CPEB1: variants seen among roughly 807,000 people sequenced by gnomAD.
CPEB1 encodes cytoplasmic polyadenylation element binding protein 1.
A neutral mutation model predicts 65.8 loss-of-function variants in CPEB1; 7 were observed. The observed-to-expected ratio is 0.11, with a 90% CI of 0.06 to 0.20. The LOEUF is 0.20. CPEB1 is among the 10% of genes least tolerant of loss of function. The pLI is 1.00. For synonymous variants in CPEB1, 262 were observed against 260.0 expected (o/e 1.01, Z -0.08); for missense variants, 551 against 712.2 (o/e 0.77, Z 2.58).
Position 82,628,525 on chromosome 15 carries a change from A to T in CPEB1, c.-66T>A. On this transcript the variant is annotated 5_prime_UTR_variant, in exon 2 of 13. It adds an upstream start codon to the 5' untranslated region. Transcript: ENST00000684509. ...AAGGCTGCTTTTGACTTCTTTTACA[A>T]TACAGACCCTTCTATTACACAGGCA... 1.4e-6 allele frequency: 1 copy of T among 692,656 alleles called. No individual in the cohort carries two copies. Among genetic ancestry groups the T allele is most frequent in the Non-Finnish European group, 2.6e-6 (1 of 381,212 alleles). 42.9% of individuals were successfully genotyped at this position (692,656 alleles called of 1,614,324 possible).
chr15:82,640,392 T>C (rs553428361), intron 1 of CPEB1, among the ~76,000 whole-genome samples: 10 of 152,302 alleles, frequency 6.6e-5, no homozygotes, highest in African/African-American at 2.4e-4. Flanking sequence ...GGAACACAAG[T>C]GGACTACCAG....
At position 82,552,600 on chromosome 15, in the gene CPEB1, G is replaced by A. The variant is rs2036456533; in HGVS notation, c.1161C>T (p.Val387=). Residue 387 remains valine (V), a synonymous_variant, in exon 9 of 13, where the codon GTC becomes GTT. Transcript: ENST00000684509. The part of the protein sequence containing the change: ...RCPPKGYVYL[V]FELEKSVRSL... ...ATCGGACAGACTTCTCTAGTTCGAAGACCAGATACACATACCCTATTCCCA... is the reference window on the plus strand; with the variant it reads ...ATCGGACAGACTTCTCTAGTTCGAAAACCAGATACACATACCCTATTCCCA... The A allele has an allele frequency of 6.2e-7, 1 of 1,614,004 alleles. No homozygotes were observed. The highest frequency in any genetic ancestry group is 1.7e-5 in the Admixed American group (1 of 60,002).
intron 1 of CPEB1, among the ~76,000 whole-genome samples, chr15:82,634,797 T>C (rs1270994311): frequency 2.0e-5 from 3 of 152,148 alleles, no homozygotes; most frequent in Non-Finnish European, 4.4e-5. Flanking sequence ...CAGAAAGTAA[T>C]ATACTTAGAT....
rs192926321 is a variant in CPEB1, at chr15:82,582,785, C to T, written c.272-11253G>A. Reference sequence around the variant, plus strand: ...GAGACACAGTCTCACTCTGTTGCCCCGGCTGGAGTGCAGTGGCGTGATCTG... The same window carrying T: ...GAGACACAGTCTCACTCTGTTGCCCTGGCTGGAGTGCAGTGGCGTGATCTG... On this transcript the variant is annotated intron_variant, in intron 3 of 12. Coordinates refer to ENST00000684509, the MANE Select transcript of CPEB1 (RefSeq NM_001365242.1). Among the ~76,000 whole-genome samples the T allele has an allele frequency of 4.5e-4, 66 of 146,746 alleles. No homozygotes were observed. The East Asian group carries it at 0.011, about 24-fold the overall frequency.
Position 82,629,641 on chromosome 15 carries a change from T to TGAGTTTTTTAA in CPEB1, c.-97-1096_-97-1086dup, listed in dbSNP as rs758985141. 3.6e-3 allele frequency: 3,514 copies of TGAGTTTTTTAA among 985,372 alleles called. 12 individuals are homozygous for TGAGTTTTTTAA. The highest frequency in any genetic ancestry group is 3.9e-3 in the Non-Finnish European group (3,250 of 829,926). 61.0% of individuals were successfully genotyped at this position (985,372 alleles called of 1,614,324 possible). A position where few individuals can be genotyped will look rare whatever the true frequency, so the allele number is the denominator to read the frequency against. On this transcript the variant is annotated intron_variant, in intron 1 of 12. Coordinates refer to ENST00000684509, the MANE Select transcript of CPEB1 (RefSeq NM_001365242.1). ...AGCAATGAAATATTGGTTGACAGAT[T>TGAGTTTTTTAA]GAGTTTTTTAAGGGGAGCCTGCCTC...
At chr15:82,567,707 T>C (rs2039381900) in intron 4 of CPEB1, among the ~76,000 whole-genome samples, 1 of 150,092 alleles carries the variant, frequency 6.7e-6, no homozygotes, top group African/African-American at 2.5e-5. Context: ...TAAAGGGGAG[T>C]GGCAAAAAAC....
chr15:82,618,100 A>G (rs2044928377), intron 3 of CPEB1, among the ~76,000 whole-genome samples: 1 of 152,156 alleles, frequency 6.6e-6, no homozygotes, highest in African/African-American at 2.4e-5. Flanking sequence ...TTATTAAAAA[A>G]AAAAAGAGTG....
At chr15:82,578,625 C>T (rs1048401350) in intron 3 of CPEB1, among the ~76,000 whole-genome samples, 40 of 152,002 alleles carry the variant, frequency 2.6e-4, no homozygotes, top group African/African-American at 8.7e-4. Context: ...GGTGTGGTGG[C>T]GTGCACCTGT....
chr15:82,559,195 T>C (rs2037770405), intron 4 of CPEB1, among the ~76,000 whole-genome samples: 1 of 152,028 alleles, frequency 6.6e-6, no homozygotes, highest in South Asian at 2.1e-4. Flanking sequence ...AAGACTGAAA[T>C]CAAAATCAAT....
chr15:82,585,750 C>T (rs1435001016), intron 3 of CPEB1, among the ~76,000 whole-genome samples: 1 of 152,286 alleles, frequency 6.6e-6, no homozygotes, highest in East Asian at 1.9e-4. Flanking sequence ...TTTCACATCT[C>T]GGCAGCGTTC....
intron 3 of CPEB1, among the ~76,000 whole-genome samples, chr15:82,611,313 T>A (rs1016139837): frequency 1.3e-5 from 2 of 151,846 alleles, no homozygotes; most frequent in Non-Finnish European, 2.9e-5. Flanking sequence ...GAAAATAAAA[T>A]TAACAGTTTG....
At chr15:82,557,270 C>T (rs2037377376) in intron 5 of CPEB1, among the ~76,000 whole-genome samples, 1 of 152,156 alleles carries the variant, frequency 6.6e-6, no homozygotes, top group African/African-American at 2.4e-5. Flanking sequence ...TGAAAGCTGA[C>T]ACGGGTCAGT....
intron 3 of CPEB1, among the ~76,000 whole-genome samples, chr15:82,578,732 G>A (rs1397785812): frequency 6.6e-6 from 1 of 152,054 alleles, no homozygotes; most frequent in Non-Finnish European, 1.5e-5. Context: ...ACTCCAGCCT[G>A]GGCAACAAAG....
chr15:82,638,489 T>G (rs2046844836), intron 1 of CPEB1: 1 of 152,204 alleles, frequency 6.6e-6, no homozygotes, highest in African/African-American at 2.4e-5. Flanking sequence ...AAAATTCTTA[T>G]TTTTTTCTTC....
chr15:82,549,394 G>T, intron 10 of CPEB1, 66 bp downstream of exon 10: 1 of 1,533,558 alleles, frequency 6.5e-7, no homozygotes, highest in Non-Finnish European at 9.0e-7. Flanking sequence ...CCATGGGGAA[G>T]TATCACAATC....
intron 3 of CPEB1, among the ~76,000 whole-genome samples, chr15:82,578,981 G>A (rs146568150): frequency 3.3e-5 from 5 of 151,952 alleles, no homozygotes; most frequent in Admixed American, 6.5e-5. Context: ...GCACCACCAC[G>A]CCCAGCTAAT....
At chr15:82,628,164 A>G in intron 2 of CPEB1, 200 bp downstream of exon 2, 1 of 698,660 alleles carries the variant, frequency 1.4e-6, no homozygotes, top group Admixed American at 2.0e-5. Flanking sequence ...ATTGTTACAG[A>G]AAAATCCATG....
At chr15:82,552,961 T>TA (rs1470753641) in intron 8 of CPEB1, among the ~76,000 whole-genome samples, 2 of 152,184 alleles carry the variant, frequency 1.3e-5, no homozygotes, top group Non-Finnish European at 1.5e-5. Context: ...AACACCTACT[T>TA]AAACCATTAG....
At chr15:82,609,229 G>A (rs566927842) in intron 3 of CPEB1, among the ~76,000 whole-genome samples, 3 of 152,262 alleles carry the variant, frequency 2.0e-5, no homozygotes, top group South Asian at 2.1e-4. Flanking sequence ...GCTGAATGTC[G>A]TAGCTCACAC....
Sources: gnomAD v4.1 joint callset for allele counts (sites outside exome capture counted in the v4.1 genomes callset) on GRCh38, gnomAD v4.1.1 for gene constraint, MANE v1.5 for transcripts, NCBI Gene and HGNC (gene_info 2026-07-23, HGNC 2026-07-21) for gene names.